ZNF521: variants seen among roughly 807,000 people sequenced by gnomAD.
ZNF521 encodes LYST-interacting protein 3.
Under a neutral mutation model 105.5 loss-of-function variants are expected in ZNF521, and 14 were observed. The ratio of observed to expected loss-of-function variants is 0.13; its 90% CI spans 0.09 to 0.21. ZNF521 has a LOEUF of 0.21. Among genes scored for constraint, ZNF521 ranks in the 10% least tolerant of loss-of-function variants. The probability of loss-of-function intolerance (pLI) is 1.00; values close to 1 mark genes in which losing one functional copy is unlikely to be tolerated. For missense variants in ZNF521, 1,233 were observed against 1,629.7 expected (o/e 0.76, Z 4.19); for synonymous variants, 635 against 606.0 (o/e 1.05, Z -0.70).
chr18:25,322,365 T>C (rs938607138), intron 2 of ZNF521, 178 bp from the exon 3 acceptor site: 1 of 754,316 alleles, frequency 1.3e-6, no homozygotes, highest in Admixed American at 1.8e-5. Context: ...AATTATTCAG[T>C]TAGTGACTAT....
intron 3 of ZNF521, among the ~76,000 whole-genome samples, chr18:25,256,437 A>C (rs916197053): frequency 2.0e-5 from 3 of 152,198 alleles, no homozygotes; most frequent in African/African-American, 7.2e-5. Flanking sequence ...GTTAGCAGTT[A>C]CAAAACATAA....
chr18:25,166,829 T>A (rs2035350645), intron 5 of ZNF521, among the ~76,000 whole-genome samples: 1 of 152,182 alleles, frequency 6.6e-6, no homozygotes, highest in African/African-American at 2.4e-5. Flanking sequence ...TTAGTCCAAC[T>A]CCACCTATAA....
At chr18:25,210,265 C>T (rs1453745621) in intron 4 of ZNF521, among the ~76,000 whole-genome samples, 3 of 152,066 alleles carry the variant, frequency 2.0e-5, no homozygotes, top group East Asian at 3.9e-4. Flanking sequence ...GAAACTGAAG[C>T]TTAGGAAGGA....
intron 4 of ZNF521, among the ~76,000 whole-genome samples, chr18:25,217,400 T>C (rs1257581454): frequency 1.3e-5 from 2 of 152,120 alleles, no homozygotes; most frequent in Non-Finnish European, 1.5e-5. Flanking sequence ...ACATGGAGAA[T>C]GAGAGAAAAG....
In ZNF521 at chr18:25,245,821, T is replaced by C. The variant is rs114938542; in HGVS notation, c.221-18124A>G. 8.5e-3 allele frequency among the ~76,000 whole-genome samples: 1,287 copies of C among 152,276 alleles called. 19 individuals carry two copies. Among genetic ancestry groups the C allele is most frequent in the African/African-American group, 0.03 (1,246 of 41,556 alleles). The stretch of plus-strand genomic sequence containing the variant: ...CGAGGCCTGGAGTTCAGGACTAGCC[T>C]GAGCAACATAGTGAGACCCATCTCT... On this transcript the variant is annotated intron_variant, in intron 3 of 7. Transcript: ENST00000361524.
chr18:25,123,998 C>A (rs1369200182), intron 5 of ZNF521, among the ~76,000 whole-genome samples: 1 of 152,062 alleles, frequency 6.6e-6, no homozygotes, highest in Non-Finnish European at 1.5e-5. Flanking sequence ...GATATACTTG[C>A]GGGACTGGGA....
intron 3 of ZNF521, among the ~76,000 whole-genome samples, chr18:25,314,876 T>C (rs1912516910): frequency 1.3e-5 from 2 of 152,242 alleles, no homozygotes; most frequent in South Asian, 2.1e-4. Flanking sequence ...AAATGCACTT[T>C]ATACATTTAT....
chr18:25,099,742 C>A lies in ZNF521; in HGVS notation c.3659-7661G>T, dbSNP rs150980103. Among the ~76,000 whole-genome samples the A allele has an allele frequency of 3.3e-5, 5 of 152,276 alleles. No individual in the cohort carries two copies. The East Asian group carries it at 9.7e-4, about 29-fold the overall frequency. ...ATTATACTCTTTGTTTAAAATTTCT[C>A]TTGTTTGATATCAAATACCTTCTAT... On this transcript the variant is annotated intron_variant, in intron 5 of 7. Coordinates refer to ENST00000361524, the MANE Select transcript of ZNF521 (RefSeq NM_015461.3).
At chr18:25,212,538 A>AAAAAAAATAT (rs1555647923) in intron 4 of ZNF521, among the ~76,000 whole-genome samples, 4 of 48,144 alleles carry the variant, frequency 8.3e-5, no homozygotes, top group African/African-American at 3.9e-4. Flanking sequence ...AAAAAAAAAA[A>AAAAAAAATAT]ATATATATAT....
chr18:25,258,011 T>G (rs1908641174), intron 3 of ZNF521, among the ~76,000 whole-genome samples: 1 of 152,188 alleles, frequency 6.6e-6, no homozygotes, highest in Non-Finnish European at 1.5e-5. Flanking sequence ...ACAAAATTTC[T>G]TTTGGTTTAT....
chr18:25,154,017 G>A (rs1399580618), intron 5 of ZNF521, among the ~76,000 whole-genome samples: 2 of 152,156 alleles, frequency 1.3e-5, no homozygotes, highest in Non-Finnish European at 2.9e-5. Context: ...AAGAAGCAAC[G>A]AGGAAGTGTC....
chr18:25,182,752 T>C (rs996148672), intron 5 of ZNF521, among the ~76,000 whole-genome samples: 3 of 152,198 alleles, frequency 2.0e-5, no homozygotes, highest in African/African-American at 7.2e-5. Context: ...CTGTGGTCAC[T>C]GGCTGCATAT....
chr18:25,161,596 T>C (rs1030616063), intron 5 of ZNF521, among the ~76,000 whole-genome samples: 2 of 152,198 alleles, frequency 1.3e-5, no homozygotes, highest in African/African-American at 2.4e-5. Flanking sequence ...AGATTTAATT[T>C]CACTTAAAAC....
At chr18:25,073,982 T>C (rs2033288119) in intron 7 of ZNF521, among the ~76,000 whole-genome samples, 1 of 152,106 alleles carries the variant, frequency 6.6e-6, no homozygotes, top group Admixed American at 6.5e-5. Context: ...AATGTATTAA[T>C]TTAGATAAAC....
chr18:25,239,012 T>A (rs8095273), intron 3 of ZNF521, among the ~76,000 whole-genome samples: 3,967 of 152,232 alleles, frequency 0.026, 174 homozygotes, highest in African/African-American at 0.087. Context: ...GCTGTGCCTT[T>A]CCCGTGTTTG....
At chr18:25,105,080 A>G (rs2034044750) in intron 5 of ZNF521, among the ~76,000 whole-genome samples, 1 of 152,178 alleles carries the variant, frequency 6.6e-6, no homozygotes, top group Non-Finnish European at 1.5e-5. Flanking sequence ...GGATTGATGA[A>G]GAGACAGACT....
At chr18:25,135,731 G>A (rs1481374278) in intron 5 of ZNF521, among the ~76,000 whole-genome samples, 1 of 152,134 alleles carries the variant, frequency 6.6e-6, no homozygotes, top group Non-Finnish European at 1.5e-5. Context: ...TGATTGGAGA[G>A]CCCCAGGAAA....
chr18:25,230,151 A>G (rs779016088), intron 3 of ZNF521, among the ~76,000 whole-genome samples: 1 of 152,186 alleles, frequency 6.6e-6, no homozygotes. Flanking sequence ...TCTTCTCTCC[A>G]GTCCCCATTA....
At chr18:25,113,793 C>CACACACACACACACACACACACAG (rs1053377440) in intron 5 of ZNF521, among the ~76,000 whole-genome samples, 171 of 147,790 alleles carry the variant, frequency 1.2e-3, no homozygotes, top group Middle Eastern at 3.7e-3. Context: ...CACACACACA[C>CACACACACACACACACACACACAG]AGAGACGGGG....
Sources: gnomAD v4.1 joint callset for allele counts (sites outside exome capture counted in the v4.1 genomes callset) on GRCh38, gnomAD v4.1.1 for gene constraint, MANE v1.5 for transcripts, NCBI Gene and HGNC (gene_info 2026-07-23, HGNC 2026-07-21) for gene names.